The following DOP1B variants were observed in gnomAD, a reference collection of about 807,000 sequenced individuals.
DOP1B encodes the protein DOP1 leucine zipper like protein B.
A neutral mutation model predicts 233.5 loss-of-function variants in DOP1B; 174 were observed. That is an observed-to-expected ratio of 0.75 (90% CI 0.66 to 0.85). The LOEUF is 0.85. DOP1B is among the 40% of genes least tolerant of loss of function. DOP1B has a pLI of 0.00. For synonymous variants in DOP1B, 1,190 were observed against 1,185.6 expected, an observed-to-expected ratio of 1.00 and a Z score of -0.08; for missense variants, 2,652 against 2,846.6, an observed-to-expected ratio of 0.93 and a Z score of 1.56.
intron 2 of DOP1B, among the ~76,000 whole-genome samples, chr21:36,192,144 A>G (rs1417942188): frequency 6.6e-6 from 1 of 151,998 alleles, no homozygotes; most frequent in Non-Finnish European, 1.5e-5. Context: ...GGATTGCTTA[A>G]GCTCAGGAGT....
At chr21:36,236,692 T>G (rs2066830575) in intron 15 of DOP1B, among the ~76,000 whole-genome samples, 1 of 152,166 alleles carries the variant, frequency 6.6e-6, no homozygotes, top group Admixed American at 6.5e-5. Context: ...GCCAGAAACC[T>G]CCAGGTTTGA....
intron 2 of DOP1B, among the ~76,000 whole-genome samples, chr21:36,168,792 C>T (rs1299510576): frequency 6.6e-6 from 1 of 152,102 alleles, no homozygotes; most frequent in African/African-American, 2.4e-5. Flanking sequence ...CTCAACCTCC[C>T]AAAGTGCTGG....
At chr21:36,223,920 C>G (rs891759035) in intron 11 of DOP1B, among the ~76,000 whole-genome samples, 5 of 152,078 alleles carry the variant, frequency 3.3e-5, no homozygotes, top group African/African-American at 1.2e-4. Flanking sequence ...AAGGTCATGT[C>G]TCAAACCCTG....
chr21:36,198,950 G>A (rs1336505639), intron 2 of DOP1B, 120 bp from the exon 3 acceptor site: 6 of 1,081,276 alleles, frequency 5.5e-6, no homozygotes, highest in Non-Finnish European at 7.9e-6. Flanking sequence ...TGTTGTGTAT[G>A]TCTCTTTCTT....
chr21:36,287,576 A>G (rs1389008156), intron 32 of DOP1B, among the ~76,000 whole-genome samples: 1 of 109,368 alleles, frequency 9.1e-6, no homozygotes, highest in Non-Finnish European at 1.9e-5. Context: ...ATCTCCTAAC[A>G]TTCTTTTTTT....
At chr21:36,169,005 C>T (rs369156262) in intron 2 of DOP1B, 38 of 781,220 alleles carry the variant, frequency 4.9e-5, no homozygotes, top group African/African-American at 8.5e-5. Context: ...CGGTCTTTCT[C>T]GAGTGGTCCC....
At chr21:36,207,131 G>C (rs2066435121) in intron 4 of DOP1B, among the ~76,000 whole-genome samples, 1 of 151,892 alleles carries the variant, frequency 6.6e-6, no homozygotes, top group Non-Finnish European at 1.5e-5. Flanking sequence ...CAGGCGGCAT[G>C]GCCCAAGCAT....
chr21:36,277,439 C>G (rs1017660311), intron 28 of DOP1B, among the ~76,000 whole-genome samples: 3 of 151,462 alleles, frequency 2.0e-5, no homozygotes, highest in African/African-American at 7.3e-5. Context: ...CGCGCCATCA[C>G]GCCCAGCTAG....
chr21:36,252,373 A>G (rs1569052742), intron 22 of DOP1B, among the ~76,000 whole-genome samples: 3 of 151,100 alleles, frequency 2.0e-5, no homozygotes, highest in Non-Finnish European at 4.4e-5. Flanking sequence ...TGGAAGGATC[A>G]CTTGAAGCCA....
Position 36,232,906 on chromosome 21 carries a change from T to C in DOP1B, c.2453T>C (p.Leu818Pro). The C allele has an allele frequency of 6.2e-7, 1 of 1,614,094 alleles. No homozygotes were observed. Among genetic ancestry groups the C allele is most frequent in the Non-Finnish European group, 8.5e-7 (1 of 1,180,002 alleles). ...YLQNVAISTL[L>P]EVINHSQSLA... ...CAGAACGTGGCCATTTCCACTCTGC[T>C]GGAAGTGATAAACCATTCCCAGTCC... is the stretch of plus-strand genomic sequence containing the variant. The change falls in exon 15 of 37, where the codon CTG (leucine) becomes CCG (proline). Residue 818 changes from leucine to proline, a missense_variant. By Grantham distance (98) the Leu-to-Pro change is moderately conservative. Around this residue, in one of 3 missense-constraint regions of DOP1B, gnomAD observed 2,617 missense variants for 2,794.3 expected, o/e 0.94. Coordinates refer to ENST00000691173, the MANE Select transcript of DOP1B (RefSeq NM_001320714.2).
At chr21:36,265,367 G>C (rs2067219336) in intron 26 of DOP1B, among the ~76,000 whole-genome samples, 2 of 152,332 alleles carry the variant, frequency 1.3e-5, no homozygotes, top group African/African-American at 4.8e-5. Context: ...CCGTACTCCA[G>C]CCTGGGCAAC....
chr21:36,276,929 C>G, intron 27 of DOP1B, 92 bp from the exon 28 acceptor site: 2 of 1,217,844 alleles, frequency 1.6e-6, no homozygotes, highest in South Asian at 1.3e-5. Flanking sequence ...AAGGCGGGAG[C>G]TGATGGCTCA....
At position 36,281,498 on chromosome 21, in the gene DOP1B, C is replaced by A; in HGVS notation, c.6047C>A (p.Ser2016Tyr). ...FKDLMNMQSS[S>Y]LKLFSSFEQK... ...TTTATTCTAGACATGCAGAGCAGTT[C>A]TTTGAAACTATTCTCAAGTTTTGAA... The change falls in exon 32 of 37, where the codon TCT (serine) becomes TAT (tyrosine). Residue 2016 changes from serine to tyrosine, a missense_variant. Coordinates refer to ENST00000691173, the MANE Select transcript of DOP1B (RefSeq NM_001320714.2). 1 of 1,604,238 alleles carries A rather than the reference C, an allele frequency of 6.2e-7. No individual in the cohort carries two copies. The highest frequency in any genetic ancestry group is 8.5e-7 in the Non-Finnish European group (1 of 1,172,020).
intron 27 of DOP1B, among the ~76,000 whole-genome samples, chr21:36,276,543 A>T (rs1166147162): frequency 2.6e-5 from 4 of 151,724 alleles, no homozygotes; most frequent in Non-Finnish European, 4.4e-5. Context: ...AAATAAAAAT[A>T]AAAAAGTTGA....
At position 36,237,276 on chromosome 21, in the gene DOP1B, G is replaced by T. The variant is rs766652986; in HGVS notation, c.2637G>T (p.Val879=). 4 of 1,614,184 alleles carry T rather than the reference G, an allele frequency of 2.5e-6. No homozygotes were observed. The Admixed American group carries it at 6.7e-5, about 27-fold the overall frequency. Residue 879 remains valine (V), a synonymous_variant, in exon 16 of 37, where the codon GTG becomes GTT. Transcript: ENST00000691173. ...CCTTGTCCCAGAGGGTGGCTCGTGT[G>T]CTTTGGAATCAGCTGAACAAAGAGA... The part of the protein sequence containing the change: ...KTDFYQRVAR[V]LWNQLNKETR...
intron 32 of DOP1B, among the ~76,000 whole-genome samples, 197 bp from the exon 33 acceptor site, chr21:36,287,817 T>C (rs2067504195): frequency 3.3e-5 from 5 of 151,918 alleles, no homozygotes; most frequent in African/African-American, 4.8e-5. Flanking sequence ...GAACTCCTTA[T>C]CTTGTTATCC....
intron 14 of DOP1B, 68 bp from the exon 15 acceptor site, chr21:36,232,736 C>A: frequency 6.3e-7 from 1 of 1,593,924 alleles, no homozygotes; most frequent in Non-Finnish European, 8.5e-7. Flanking sequence ...GCTGTAGAAT[C>A]TGCAGACTGG....
At chr21:36,255,247 T>C (rs893883913) in intron 23 of DOP1B, among the ~76,000 whole-genome samples, 1 of 151,996 alleles carries the variant, frequency 6.6e-6, no homozygotes, top group African/African-American at 2.4e-5. Context: ...TTCTTGTGTC[T>C]CAGCTTCCTG....
At chr21:36,261,949 A>G in intron 24 of DOP1B, 1 of 984,550 alleles carries the variant, frequency 1.0e-6, no homozygotes, top group Non-Finnish European at 1.2e-6. Flanking sequence ...GGTATAGACC[A>G]CTTCTCAGGG....
Sources: gnomAD v4.1 joint callset for allele counts (sites outside exome capture counted in the v4.1 genomes callset) on GRCh38, gnomAD v4.1.1 for gene constraint, gnomAD v4.1.1 regional missense constraint, MANE v1.5 for transcripts, NCBI Gene and HGNC (gene_info 2026-07-23, HGNC 2026-07-21) for gene names.